The following CSMD1 variants were observed in gnomAD, a reference collection of about 807,000 sequenced individuals.
The protein encoded by CSMD1 is CUB and sushi domain-containing protein 1.
Under a neutral mutation model 417.5 loss-of-function variants are expected in CSMD1, and 213 were observed. The observed-to-expected ratio is 0.51, with a 90% confidence interval of 0.46 to 0.57. The LOEUF (loss-of-function observed/expected upper bound fraction) is 0.57. Among genes scored for constraint, CSMD1 ranks in the 20% least tolerant of loss-of-function variants. CSMD1 has a pLI of 0.00. For synonymous variants in CSMD1, 2,862 were observed against 1,736.8 expected (o/e 1.65, Z -16.11); for missense variants, 6,923 against 4,529.7 (o/e 1.53, Z -15.17).
At chr8:3,133,545 T>C (rs761332548) in intron 41 of CSMD1, among the ~76,000 whole-genome samples, 8 of 151,824 alleles carry the variant, frequency 5.3e-5, no homozygotes, top group Non-Finnish European at 1.0e-4. Context: ...CAGACGAGAG[T>C]GAAGCCCCTA....
At chr8:3,583,437 C>A (rs569279631) in intron 9 of CSMD1, among the ~76,000 whole-genome samples, 46 of 151,880 alleles carry the variant, frequency 3.0e-4, no homozygotes, top group African/African-American at 1.1e-3. Flanking sequence ...TTGGAAAGAG[C>A]TAGAGATATT....
At chr8:3,169,313 G>T (rs543588354) in intron 37 of CSMD1, among the ~76,000 whole-genome samples, 2 of 152,108 alleles carry the variant, frequency 1.3e-5, no homozygotes, top group South Asian at 4.1e-4. Flanking sequence ...ACAGTCACAG[G>T]TAACAAAAGC....
intron 49 of CSMD1, among the ~76,000 whole-genome samples, chr8:3,077,339 G>A (rs1257589781): frequency 1.3e-5 from 2 of 152,182 alleles, no homozygotes; most frequent in Non-Finnish European, 2.9e-5. Flanking sequence ...CCTGGGGACT[G>A]AGCCCTGAAA....
intron 3 of CSMD1, among the ~76,000 whole-genome samples, chr8:4,289,941 G>A (rs1585167401): frequency 6.6e-6 from 1 of 152,144 alleles, no homozygotes; most frequent in Non-Finnish European, 1.5e-5. Flanking sequence ...AATCATTATT[G>A]ACCTCTTCTT....
At chr8:3,422,402 T>C (rs1813552959) in intron 12 of CSMD1, among the ~76,000 whole-genome samples, 1 of 152,178 alleles carries the variant, frequency 6.6e-6, no homozygotes, top group South Asian at 2.1e-4. Context: ...TTCCACATTG[T>C]TCTTCCACTC....
chr8:2,997,838 G>C (rs1158162792), intron 54 of CSMD1, among the ~76,000 whole-genome samples, 173 bp downstream of exon 54: 1 of 152,148 alleles, frequency 6.6e-6, no homozygotes, highest in Non-Finnish European at 1.5e-5. Flanking sequence ...ACAGGAAAAA[G>C]CCATGGAGAG....
chr8:3,694,637 G>A (rs190484332), intron 7 of CSMD1, among the ~76,000 whole-genome samples: 34 of 152,112 alleles, frequency 2.2e-4, no homozygotes, highest in African/African-American at 8.0e-4. Context: ...TGAGAGGGAG[G>A]CTGGGTGGGT....
At chr8:4,754,095 A>G (rs1248047508) in intron 1 of CSMD1, among the ~76,000 whole-genome samples, 1 of 152,198 alleles carries the variant, frequency 6.6e-6, no homozygotes, top group African/African-American at 2.4e-5. Context: ...AATGTGAAAT[A>G]TGAATCGTAT....
At chr8:3,792,702 A>T (rs1315094629) in intron 5 of CSMD1, among the ~76,000 whole-genome samples, 2 of 152,336 alleles carry the variant, frequency 1.3e-5, no homozygotes, top group South Asian at 4.1e-4. Context: ...TCTAAAATTG[A>T]CACAGTCAAG....
intron 1 of CSMD1, among the ~76,000 whole-genome samples, chr8:4,682,154 A>C (rs1246512051): frequency 1.3e-5 from 2 of 151,982 alleles, no homozygotes; most frequent in African/African-American, 4.8e-5. Flanking sequence ...AAGTATCTGG[A>C]TAACTGGGAC....
chr8:4,083,521 T>C (rs1800254667), intron 3 of CSMD1, among the ~76,000 whole-genome samples: 1 of 152,260 alleles, frequency 6.6e-6, no homozygotes, highest in East Asian at 1.9e-4. Context: ...GAACACAGCC[T>C]GCAGAAATAA....
intron 6 of CSMD1, 35 bp downstream of exon 6, chr8:3,753,895 T>G (rs775611902): frequency 4.2e-6 from 3 of 722,806 alleles, no homozygotes; most frequent in East Asian, 4.5e-5. Flanking sequence ...TTACGCTCTG[T>G]TTTTTTTTTT....
intron 2 of CSMD1, among the ~76,000 whole-genome samples, chr8:4,612,359 AC>A (rs1801224251): frequency 6.6e-6 from 1 of 152,056 alleles, no homozygotes; most frequent in South Asian, 2.1e-4. Context: ...TTGAAAAAAA[AC>A]AAGAGGAATG....
At chr8:3,431,886 G>C (rs1031461181) in intron 12 of CSMD1, among the ~76,000 whole-genome samples, 1 of 152,182 alleles carries the variant, frequency 6.6e-6, no homozygotes, top group Non-Finnish European at 1.5e-5. Flanking sequence ...GATATCGGCT[G>C]CTCTTCTGCA....
chr8:4,620,056 ATATT>A (rs1040523857), intron 2 of CSMD1, among the ~76,000 whole-genome samples: 4 of 152,022 alleles, frequency 2.6e-5, no homozygotes, highest in African/African-American at 9.7e-5. Flanking sequence ...GGTGAATGAA[ATATT>A]TATTAACACA....
intron 12 of CSMD1, among the ~76,000 whole-genome samples, chr8:3,467,753 A>G (rs1816864442): frequency 6.6e-6 from 1 of 152,168 alleles, no homozygotes; most frequent in African/African-American, 2.4e-5. Context: ...GACTCATGAC[A>G]ATGTCCCTTA....
chr8:4,103,897 A>C (rs1360703943), intron 3 of CSMD1, among the ~76,000 whole-genome samples: 1 of 152,184 alleles, frequency 6.6e-6, no homozygotes, highest in African/African-American at 2.4e-5. Flanking sequence ...TGTTCTCTCC[A>C]GGTTCCCAAG....
intron 3 of CSMD1, among the ~76,000 whole-genome samples, chr8:4,390,749 G>A (rs771126607): frequency 4.6e-5 from 7 of 151,610 alleles, no homozygotes; most frequent in Non-Finnish European, 7.4e-5. Context: ...TTCTGACCTC[G>A]TCAGGATGGT....
chr8:3,410,190 T>C (rs891753693), intron 12 of CSMD1, among the ~76,000 whole-genome samples: 17 of 152,324 alleles, frequency 1.1e-4, no homozygotes, highest in Middle Eastern at 3.4e-3. Flanking sequence ...CAAACCTATA[T>C]TTCAAATGTT....
Sources: allele counts gnomAD v4.1 joint callset (sites outside exome capture counted in the v4.1 genomes callset), GRCh38; gene constraint gnomAD v4.1.1; transcripts MANE v1.5; gene names NCBI Gene and HGNC (gene_info 2026-07-23, HGNC 2026-07-21).